DNAJB4: variants seen among roughly 807,000 people sequenced by gnomAD.
DNAJB4 encodes the protein DnaJ heat shock protein family (Hsp40) member B4.
In DNAJB4, 10 loss-of-function variants were observed where a neutral mutation model predicts 26.6. The observed-to-expected ratio is 0.38, with a 90% CI of 0.23 to 0.64. The LOEUF (loss-of-function observed/expected upper bound fraction) is 0.64, where lower values mean the gene tolerates loss of function less well. Among genes scored for constraint, DNAJB4 ranks in the 30% least tolerant of loss-of-function variants. DNAJB4 has a pLI of 0.58. For missense variants in DNAJB4, 328 were observed against 408.2 expected (o/e 0.80, Z 1.69); for synonymous variants, 136 against 134.8 (o/e 1.01, Z -0.06).
chr1:77,985,352 T>C (rs1659767269), intron 1 of DNAJB4, among the ~76,000 whole-genome samples: 1 of 152,180 alleles, frequency 6.6e-6, no homozygotes, highest in Admixed American at 6.5e-5. Context: ...CTGATTCCAT[T>C]TGTTCCTTTA....
rs1442027202 is a variant in DNAJB4, at chr1:78,017,571, T to A, written c.*1324T>A. 6.6e-6 allele frequency: 1 copy of A among 152,106 alleles called. No homozygotes were observed. The highest frequency in any genetic ancestry group is 1.5e-5 in the Non-Finnish European group (1 of 67,964). The allele number at this position is 152,106 out of a possible 1,614,324, so 9.4% of individuals were successfully genotyped here. A position where few individuals can be genotyped will look rare whatever the true frequency, so the allele number is the denominator to read the frequency against. ...ATAATTCAGTGGTTTTTAGTGATAT[T>A]TACAAAGTGGTACAATCATCATCAC... is the stretch of plus-strand genomic sequence containing the variant. On this transcript the variant is annotated 3_prime_UTR_variant, in exon 3 of 3. Transcript: ENST00000370763.
upstream of DNAJB4, chr1:78,004,398 C>T (rs1243864928): frequency 6.6e-6 from 1 of 152,140 alleles, no homozygotes; most frequent in Non-Finnish European, 1.5e-5. Context: ...ACTCCCTTAA[C>T]AATGTGAAAC....
At chr1:77,993,657 T>C (rs1441397449) in intron 1 of DNAJB4, among the ~76,000 whole-genome samples, 3 of 152,218 alleles carry the variant, frequency 2.0e-5, no homozygotes, top group Admixed American at 1.3e-4. Flanking sequence ...CTATGTATTA[T>C]ACTGTTTTAT....
intron 1 of DNAJB4, among the ~76,000 whole-genome samples, chr1:78,009,004 A>G (rs1660400183): frequency 6.6e-6 from 1 of 152,050 alleles, no homozygotes; most frequent in East Asian, 1.9e-4. Flanking sequence ...TTTATTCAGT[A>G]ACTTCAAATA....
upstream of DNAJB4, among the ~76,000 whole-genome samples, chr1:78,002,119 G>GTTTTA (rs931675209): frequency 6.6e-6 from 1 of 151,432 alleles, no homozygotes; most frequent in African/African-American, 2.4e-5. Context: ...TATTTTTTTG[G>GTTTTA]TTTTATTTTA....
intron 1 of DNAJB4, among the ~76,000 whole-genome samples, chr1:77,986,355 T>C (rs1253935720): frequency 6.6e-6 from 1 of 152,226 alleles, no homozygotes; most frequent in African/African-American, 2.4e-5. Flanking sequence ...CTAGTCTTCA[T>C]CCAGACAACT....
chr1:77,982,753 G>A (rs1207465399), intron 1 of DNAJB4, among the ~76,000 whole-genome samples: 1 of 152,198 alleles, frequency 6.6e-6, no homozygotes. Flanking sequence ...AGCTGAGATC[G>A]CACCACTGTA....
At chr1:77,994,395 CAAAA>C (rs1216714137) in intron 1 of DNAJB4, among the ~76,000 whole-genome samples, 1 of 61,778 alleles carries the variant, frequency 1.6e-5, no homozygotes. Flanking sequence ...AAGACTGTCT[CAAAA>C]AAAAAAAAAA....
At chr1:77,992,362 G>A (rs1299610739) in intron 1 of DNAJB4, among the ~76,000 whole-genome samples, 6 of 121,622 alleles carry the variant, frequency 4.9e-5, no homozygotes, top group African/African-American at 9.4e-5. Flanking sequence ...GCAGTGAGCC[G>A]AGATCCCGCC....
chr1:77,993,270 A>G (rs1557503448), intron 1 of DNAJB4, among the ~76,000 whole-genome samples: 1 of 152,116 alleles, frequency 6.6e-6, no homozygotes, highest in Non-Finnish European at 1.5e-5. Flanking sequence ...AACAATAGAC[A>G]TTAGGTATTA....
rs1217262373 is a variant in DNAJB4, at chr1:78,017,787, G to A, written c.*1540G>A. On this transcript the variant is annotated 3_prime_UTR_variant, in exon 3 of 3. Coordinates refer to ENST00000370763, the MANE Select transcript of DNAJB4 (RefSeq NM_007034.5). ...ATATGGCTTTTTTTTTTTTTGGTCT[G>A]GCCTCTTTCATTTAGCTTAATGTTT... is the stretch of plus-strand genomic sequence containing the variant. The A allele has an allele frequency of 1.6e-5, 2 of 126,214 alleles. No individual in the cohort carries two copies. Among genetic ancestry groups the A allele is most frequent in the Admixed American group, 8.2e-5 (1 of 12,174 alleles). The allele number at this position is 126,214 out of a possible 1,614,324, so 7.8% of individuals were successfully genotyped here.
chr1:78,012,163 T>TTTC lies in DNAJB4; in HGVS notation c.212-886_212-885insCTT, dbSNP rs1359370196. Among the ~76,000 whole-genome samples the TTTC allele has an allele frequency of 4.6e-5, 6 of 129,126 alleles. 1 individual carries two copies. Among genetic ancestry groups the TTTC allele is most frequent in the African/African-American group, 1.8e-4 (6 of 33,546 alleles). 84.7% of individuals were successfully genotyped at this position (129,126 alleles called of 152,430 possible). A position where few individuals can be genotyped will look rare whatever the true frequency, so the allele number is the denominator to read the frequency against. On this transcript the variant is annotated intron_variant, in intron 1 of 2. Coordinates refer to ENST00000370763, the MANE Select transcript of DNAJB4 (RefSeq NM_007034.5). ...ATTTTCTTTTTCTTTTCTTTTCTTT[T>TTTC]TTTTTTTTTTTTTTTTTGAGACAGA...
chr1:77,988,506 C>T (rs1265246429), intron 1 of DNAJB4, among the ~76,000 whole-genome samples: 2 of 152,198 alleles, frequency 1.3e-5, no homozygotes, highest in Non-Finnish European at 2.9e-5. Flanking sequence ...CTTTCAACCC[C>T]TTCACCATCT....
upstream of DNAJB4, among the ~76,000 whole-genome samples, chr1:78,003,175 T>C (rs1660233489): frequency 1.3e-5 from 2 of 152,196 alleles, no homozygotes; most frequent in African/African-American, 2.4e-5. Context: ...TTTTACTCTA[T>C]GTGATACTGA....
At chr1:78,002,142 G>A (rs1660208648), upstream of DNAJB4, among the ~76,000 whole-genome samples, 1 of 151,926 alleles carries the variant, frequency 6.6e-6, no homozygotes, top group Admixed American at 6.6e-5. Context: ...CTTTAAAAAA[G>A]CTTTTATTTA....
At chr1:78,012,902 C>T (rs967861337) in intron 1 of DNAJB4, 149 bp from the exon 2 acceptor site, 3 of 550,904 alleles carry the variant, frequency 5.4e-6, no homozygotes, top group Non-Finnish European at 9.2e-6. Flanking sequence ...AGTTTTATAG[C>T]TGTTCTGTAT....
intron 1 of DNAJB4, among the ~76,000 whole-genome samples, chr1:77,983,485 A>T (rs1403169150): frequency 1.3e-5 from 2 of 152,120 alleles, no homozygotes; most frequent in Non-Finnish European, 2.9e-5. Context: ...AGACTATCAC[A>T]TGGGGAGAAA....
chr1:77,990,180 T>A (rs1253668412), intron 1 of DNAJB4, among the ~76,000 whole-genome samples: 1 of 152,230 alleles, frequency 6.6e-6, no homozygotes, highest in Non-Finnish European at 1.5e-5. Flanking sequence ...ACCAGCAGTG[T>A]CTGCCGTAGC....
intron 2 of DNAJB4, among the ~76,000 whole-genome samples, chr1:78,014,101 T>C (rs1037072296): frequency 6.6e-6 from 1 of 151,998 alleles, no homozygotes. Context: ...ATACAATTAT[T>C]ATTTGAGTTC....
Sources: allele counts gnomAD v4.1 joint callset (sites outside exome capture counted in the v4.1 genomes callset), GRCh38; gene constraint gnomAD v4.1.1; transcripts MANE v1.5; gene names NCBI Gene and HGNC (gene_info 2026-07-23, HGNC 2026-07-21).